AKAP10: variants seen among roughly 807,000 people sequenced by gnomAD.
AKAP10 encodes the protein A-kinase anchoring protein 10.
Under a neutral mutation model 80.8 loss-of-function variants are expected in AKAP10, and 24 were observed. That is an observed-to-expected ratio of 0.30 (90% CI 0.22 to 0.42). AKAP10 has a LOEUF of 0.42. AKAP10 is among the 10% of genes least tolerant of loss of function. The pLI is 1.00. For synonymous variants in AKAP10, 291 were observed against 277.7 expected, an observed-to-expected ratio of 1.05 and a Z score of -0.48; for missense variants, 661 against 794.9, an observed-to-expected ratio of 0.83 and a Z score of 2.03.
chr17:19,918,863 C>G (rs7224713), intron 12 of AKAP10, among the ~76,000 whole-genome samples: 10,309 of 152,190 alleles, frequency 0.068, 1,033 homozygotes, highest in African/African-American at 0.22. Flanking sequence ...TTTGACTAAA[C>G]TACTCTTCTG....
In AKAP10 at chr17:19,911,835, C is replaced by CAAAAAAAAAAAAAA. The variant is rs71157844; in HGVS notation, c.1835-1871_1835-1858dup. Reference sequence around the variant, plus strand: ...CGGCAACAAGAGCAAAACTCTGTCACAAAAAAAAAAAAAAAAAAAAAAAAA... The same window carrying CAAAAAAAAAAAAAA: ...CGGCAACAAGAGCAAAACTCTGTCACAAAAAAAAAAAAAAAAAAAAAAAAAAAAAAAAAAAAAAA... On this transcript the variant is annotated intron_variant, in intron 12 of 14. Coordinates refer to ENST00000225737, the MANE Select transcript of AKAP10 (RefSeq NM_007202.4). Among the ~76,000 whole-genome samples the CAAAAAAAAAAAAAA allele has an allele frequency of 1.3e-4, 7 of 54,984 alleles. 1 individual carries two copies. Among genetic ancestry groups the CAAAAAAAAAAAAAA allele is most frequent in the Non-Finnish European group, 1.8e-4 (5 of 28,194 alleles). 36.1% of individuals were successfully genotyped at this position (54,984 alleles called of 152,430 possible). A position where few individuals can be genotyped will look rare whatever the true frequency, so the allele number is the denominator to read the frequency against.
intron 1 of AKAP10, among the ~76,000 whole-genome samples, chr17:19,974,155 C>A (rs1422608833): frequency 1.3e-5 from 2 of 152,054 alleles, no homozygotes; most frequent in African/African-American, 2.4e-5. Context: ...TCCGCCACTG[C>A]ACTCCAGCTT....
At chr17:19,910,614 AC>A (rs1280456596) in intron 12 of AKAP10, among the ~76,000 whole-genome samples, 2 of 152,170 alleles carry the variant, frequency 1.3e-5, no homozygotes, top group East Asian at 3.9e-4. Flanking sequence ...ACATTAAAAA[AC>A]AAAACAAAAC....
At chr17:19,952,037 C>G (rs931373862) in intron 4 of AKAP10, among the ~76,000 whole-genome samples, 4 of 150,214 alleles carry the variant, frequency 2.7e-5, no homozygotes, top group African/African-American at 4.9e-5. Context: ...TATATTAATA[C>G]CAATAATTAT....
chr17:19,962,904 A>G lies in AKAP10; in HGVS notation c.255T>C (p.Ser85=), dbSNP rs1015015848. The change falls in exon 3 of 15, where the codon AGT becomes AGC. Residue 85 remains serine, a synonymous_variant. Transcript: ENST00000225737. ...GCTTCTTAAGTGTGGCTGTCCTGCT[A>G]CTTGAAAAGGAGTCCATGTTGGCAG... ...AISANMDSFS[S]SRTATLKKQP... 4 of 1,613,998 alleles carry G rather than the reference A, an allele frequency of 2.5e-6. No homozygotes were observed. The African/African-American group carries it at 5.3e-5, about 22-fold the overall frequency.
At chr17:19,937,305 C>T (rs956117138) in intron 8 of AKAP10, among the ~76,000 whole-genome samples, 1 of 152,114 alleles carries the variant, frequency 6.6e-6, no homozygotes, top group African/African-American at 2.4e-5. Context: ...AGTTCAAGAC[C>T]GGCCTGGCCA....
At chr17:19,939,189 AAACT>A (rs2043026102) in intron 8 of AKAP10, among the ~76,000 whole-genome samples, 1 of 152,344 alleles carries the variant, frequency 6.6e-6, no homozygotes, top group Admixed American at 6.5e-5. Context: ...AACTAATAAA[AAACT>A]AATTAACAAC....
chr17:19,960,262 A>C (rs1204806720), intron 3 of AKAP10, among the ~76,000 whole-genome samples: 1 of 152,152 alleles, frequency 6.6e-6, no homozygotes, highest in Non-Finnish European at 1.5e-5. Context: ...TAATTTTATC[A>C]CATTGAGATT....
intron 3 of AKAP10, among the ~76,000 whole-genome samples, chr17:19,960,062 C>A (rs116918201): frequency 0.012 from 1,893 of 152,210 alleles, 22 homozygotes; most frequent in Non-Finnish European, 0.02. Flanking sequence ...GCCTGGGGAA[C>A]ATAGTGAAAC....
chr17:19,927,266 T>C (rs567657950), intron 10 of AKAP10, among the ~76,000 whole-genome samples: 1 of 152,208 alleles, frequency 6.6e-6, no homozygotes, highest in African/African-American at 2.4e-5. Flanking sequence ...CCCAGGAAGT[T>C]GAGGTGGCAG....
At chr17:19,911,812 G>A (rs2042692558) in intron 12 of AKAP10, among the ~76,000 whole-genome samples, 1 of 104,064 alleles carries the variant, frequency 9.6e-6, no homozygotes, top group South Asian at 3.3e-4. Flanking sequence ...TCCAGCCTCG[G>A]CAACAAGAGC....
intron 1 of AKAP10, among the ~76,000 whole-genome samples, chr17:19,969,071 C>A (rs1000220922): frequency 6.6e-6 from 1 of 152,170 alleles, no homozygotes; most frequent in African/African-American, 2.4e-5. Flanking sequence ...GGGCCAGGCA[C>A]GGTGGCTCAC....
At chr17:19,963,096 G>A in intron 2 of AKAP10, 74 bp from the exon 3 acceptor site, 4 of 1,282,404 alleles carry the variant, frequency 3.1e-6, no homozygotes, top group South Asian at 3.6e-5. Context: ...GGGGCTTTCA[G>A]AGAACTTTAA....
chr17:19,934,306 G>A (rs2042969494), intron 9 of AKAP10, among the ~76,000 whole-genome samples: 1 of 152,096 alleles, frequency 6.6e-6, no homozygotes, highest in South Asian at 2.1e-4. Context: ...ACAGTTACTG[G>A]TGATATATGT....
chr17:19,947,353 G>T, intron 5 of AKAP10, 54 bp downstream of exon 5: 1 of 1,371,200 alleles, frequency 7.3e-7, no homozygotes, highest in Non-Finnish European at 1.0e-6. Context: ...AAAATTGTCA[G>T]TTCTGTGCAT....
intron 3 of AKAP10, among the ~76,000 whole-genome samples, chr17:19,962,261 AACATACAT>A (rs59111461): frequency 9.5e-4 from 143 of 150,694 alleles, no homozygotes; most frequent in East Asian, 6.2e-3. Context: ...AATAGCCTTC[AACATACAT>A]ACATACATAC....
At chr17:19,930,600 T>C (rs753888765) in intron 10 of AKAP10, among the ~76,000 whole-genome samples, 10 of 151,328 alleles carry the variant, frequency 6.6e-5, no homozygotes, top group Non-Finnish European at 1.3e-4. Flanking sequence ...CTGGCCAACA[T>C]AGCAAGACCC....
At chr17:19,973,986 T>G (rs1487722857) in intron 1 of AKAP10, among the ~76,000 whole-genome samples, 1 of 152,294 alleles carries the variant, frequency 6.6e-6, no homozygotes, top group East Asian at 1.9e-4. Flanking sequence ...GCAGATCACC[T>G]GAGGTCAGGA....
At chr17:19,974,192 A>T (rs920489718) in intron 1 of AKAP10, among the ~76,000 whole-genome samples, 1 of 151,922 alleles carries the variant, frequency 6.6e-6, no homozygotes, top group Non-Finnish European at 1.5e-5. Context: ...ACTCCATCTC[A>T]AAAAAAAGAA....
Sources: allele counts gnomAD v4.1 joint callset (sites outside exome capture counted in the v4.1 genomes callset), GRCh38; gene constraint gnomAD v4.1.1; transcripts MANE v1.5; gene names NCBI Gene and HGNC (gene_info 2026-07-23, HGNC 2026-07-21).